UBE3C: variants seen among roughly 807,000 people sequenced by gnomAD.
UBE3C encodes ubiquitin protein ligase E3C, also known as ubiquitin-protein ligase E3C.
UBE3C carries 42 observed loss-of-function variants against 129.4 expected under a neutral mutation model. The ratio of observed to expected loss-of-function variants is 0.32; its 90% CI spans 0.25 to 0.42. The LOEUF (loss-of-function observed/expected upper bound fraction) is 0.42. UBE3C is among the 10% of genes least tolerant of loss of function. The probability of loss-of-function intolerance (pLI) is 1.00; values close to 1 mark genes in which losing one functional copy is unlikely to be tolerated. For synonymous variants in UBE3C, 510 were observed against 492.4 expected, an observed-to-expected ratio of 1.04 and a Z score of -0.47; for missense variants, 1,049 against 1,319.1, an observed-to-expected ratio of 0.80 and a Z score of 3.17.
At chr7:157,194,035 G>C (rs1809048710) in intron 10 of UBE3C, among the ~76,000 whole-genome samples, 1 of 152,140 alleles carries the variant, frequency 6.6e-6, no homozygotes, top group Non-Finnish European at 1.5e-5. Context: ...ACAAGGTTTG[G>C]TTGTTTTTTC....
At chr7:157,176,599 G>C (rs1586664754) in intron 5 of UBE3C, among the ~76,000 whole-genome samples, 1 of 152,192 alleles carries the variant, frequency 6.6e-6, no homozygotes, top group African/African-American at 2.4e-5. Context: ...TTAACAACAA[G>C]AAAACACTCC....
chr7:157,217,284 G>T, intron 14 of UBE3C: 1 of 191,388 alleles, frequency 5.2e-6, no homozygotes. Flanking sequence ...TATATGTCTA[G>T]TATTTAAAAG....
At chr7:157,217,133 A>G (rs1795603434) in intron 14 of UBE3C, 162 bp downstream of exon 14, 2 of 548,012 alleles carry the variant, frequency 3.6e-6, no homozygotes, top group Admixed American at 6.7e-5. Context: ...CAACTTCTTA[A>G]TGGAACATAT....
intron 1 of UBE3C, among the ~76,000 whole-genome samples, chr7:157,141,422 G>T (rs542102955): frequency 6.6e-6 from 1 of 152,146 alleles, no homozygotes; most frequent in African/African-American, 2.4e-5. Context: ...TTGTGGGACC[G>T]TCCTAGAGTG....
chr7:157,172,222 G>GTCAGGTT (rs1808398286), intron 4 of UBE3C, among the ~76,000 whole-genome samples: 1 of 150,612 alleles, frequency 6.6e-6, no homozygotes, highest in Non-Finnish European at 1.5e-5. Context: ...TTTTAGTAGA[G>GTCAGGTT]TCAGGTTTCA....
chr7:157,158,919 A>T (rs916527321), intron 1 of UBE3C, among the ~76,000 whole-genome samples: 1 of 152,278 alleles, frequency 6.6e-6, no homozygotes, highest in African/African-American at 2.4e-5. Context: ...CTCCAGCACC[A>T]GAAACTACCA....
intron 13 of UBE3C, 46 bp downstream of exon 13, chr7:157,207,981 A>T: frequency 7.6e-7 from 1 of 1,323,732 alleles, no homozygotes. Flanking sequence ...TGAAAAATGT[A>T]CAAACTTTTG....
chr7:157,151,916 T>A (rs1807766452), intron 1 of UBE3C, among the ~76,000 whole-genome samples: 1 of 152,172 alleles, frequency 6.6e-6, no homozygotes, highest in Non-Finnish European at 1.5e-5. Context: ...CTGAGAACTC[T>A]TCTGCACAGC....
intron 18 of UBE3C, among the ~76,000 whole-genome samples, chr7:157,238,578 G>A (rs544004682): frequency 6.6e-6 from 1 of 152,264 alleles, no homozygotes; most frequent in Non-Finnish European, 1.5e-5. Flanking sequence ...AGCTGGGAAA[G>A]GTGCGGGCAG....
chr7:157,166,941 G>GTGGTGGTT (rs1554422962), intron 2 of UBE3C, among the ~76,000 whole-genome samples: 1 of 149,770 alleles, frequency 6.7e-6, no homozygotes, highest in African/African-American at 2.5e-5. Flanking sequence ...TGGTGGTGGT[G>GTGGTGGTT]GTTTTTGAGA....
chr7:157,227,228 C>A (rs2116628107), intron 17 of UBE3C, among the ~76,000 whole-genome samples: 1 of 152,206 alleles, frequency 6.6e-6, no homozygotes, highest in South Asian at 2.1e-4. Context: ...CTTGAAGGGC[C>A]TTCCAAGAGG....
chr7:157,208,936 T>A (rs1809514362), intron 13 of UBE3C, among the ~76,000 whole-genome samples: 1 of 152,268 alleles, frequency 6.6e-6, no homozygotes, highest in Admixed American at 6.5e-5. Context: ...ACAGTCCGTT[T>A]AATACCAGCG....
intron 8 of UBE3C, among the ~76,000 whole-genome samples, chr7:157,182,781 G>T (rs368437032): frequency 3.3e-5 from 5 of 151,962 alleles, no homozygotes; most frequent in Admixed American, 6.6e-5. Flanking sequence ...ATAGAGTCTC[G>T]CTCTGTCACT....
At chr7:157,187,812 G>T (rs1487931659) in intron 10 of UBE3C, among the ~76,000 whole-genome samples, 2 of 152,038 alleles carry the variant, frequency 1.3e-5, no homozygotes, top group African/African-American at 4.8e-5. Context: ...TCCTGACCTT[G>T]TGATCCGCCT....
chr7:157,151,640 C>CA (rs1208882981), intron 1 of UBE3C, among the ~76,000 whole-genome samples: 2 of 152,108 alleles, frequency 1.3e-5, no homozygotes, highest in Non-Finnish European at 2.9e-5. Context: ...GTGTCTTCCT[C>CA]AAAAAAGCCC....
intron 2 of UBE3C, among the ~76,000 whole-genome samples, chr7:157,167,206 C>T (rs967998849): frequency 1.6e-4 from 25 of 152,308 alleles, no homozygotes; most frequent in African/African-American, 5.3e-4. Context: ...GCTGGGTTTA[C>T]AGGCATGAGC....
chr7:157,207,573 C>A lies in UBE3C; in HGVS notation c.1576+18C>A. 6.2e-7 allele frequency: 1 copy of A among 1,605,252 alleles called. No individual in the cohort carries two copies. ...CATAGAAGGTAAGGATTTTGAGAAA[C>A]CAGTTTGCTGCTGGCCACTTGGCCC... is the stretch of plus-strand genomic sequence containing the variant. On this transcript the variant is annotated intron_variant, in intron 12 of 22. Transcript: ENST00000348165.
At chr7:157,145,846 G>A (rs1047756406) in intron 1 of UBE3C, among the ~76,000 whole-genome samples, 2 of 152,030 alleles carry the variant, frequency 1.3e-5, no homozygotes, top group Non-Finnish European at 2.9e-5. Flanking sequence ...TCCGCTGCAC[G>A]CTGTTTCCTT....
Position 157,140,883 on chromosome 7 carries a change from A to G in UBE3C, c.66+1545A>G, listed in dbSNP as rs189373523. Among the ~76,000 whole-genome samples the G allele has an allele frequency of 7.9e-5, 12 of 152,376 alleles. No homozygotes were observed. The South Asian group carries it at 1.2e-3, about 16-fold the overall frequency. On this transcript the variant is annotated intron_variant, in intron 1 of 22. Coordinates refer to ENST00000348165, the MANE Select transcript of UBE3C (RefSeq NM_014671.3). ...AAAACAAAACTCTTTTTATTGAGGT[A>G]TAACTTAAGATACAGTCAGGTTCAC...
Sources: gnomAD v4.1 joint callset for allele counts (sites outside exome capture counted in the v4.1 genomes callset) on GRCh38, gnomAD v4.1.1 for gene constraint, MANE v1.5 for transcripts, NCBI Gene and HGNC (gene_info 2026-07-23, HGNC 2026-07-21) for gene names.